MARCO: variants seen among roughly 807,000 people sequenced by gnomAD.
MARCO encodes the protein macrophage receptor with collagenous structure, also known as macrophage receptor MARCO.
Under a neutral mutation model 70.0 loss-of-function variants are expected in MARCO, and 72 were observed. The ratio of observed to expected loss-of-function variants is 1.03; its 90% CI spans 0.85 to 1.25. The LOEUF is 1.25. MARCO is among the 50% of genes most tolerant of loss of function. MARCO has a pLI of 0.00. For missense variants in MARCO, 696 were observed against 659.3 expected (o/e 1.06, Z -0.61); for synonymous variants, 273 against 243.1 (o/e 1.12, Z -1.14).
chr2:118,986,155 TGA>T (rs1680478834), intron 12 of MARCO, among the ~76,000 whole-genome samples: 1 of 152,196 alleles, frequency 6.6e-6, no homozygotes, highest in Non-Finnish European at 1.5e-5. Context: ...TCTAAGTTTC[TGA>T]GAGAGCTTTG....
chr2:118,964,059 A>G (rs943581069), intron 1 of MARCO, among the ~76,000 whole-genome samples: 3 of 152,176 alleles, frequency 2.0e-5, no homozygotes, highest in African/African-American at 7.2e-5. Flanking sequence ...ATACATATGG[A>G]ACTTATCGCA....
chr2:118,950,120 A>C (rs1679691445), intron 1 of MARCO, among the ~76,000 whole-genome samples: 2 of 152,294 alleles, frequency 1.3e-5, no homozygotes, highest in South Asian at 4.2e-4. Flanking sequence ...TATATTTGAC[A>C]GTGCTTCGTA....
chr2:118,948,540 G>A (rs1679648008), intron 1 of MARCO, among the ~76,000 whole-genome samples: 1 of 152,180 alleles, frequency 6.6e-6, no homozygotes, highest in Non-Finnish European at 1.5e-5. Flanking sequence ...CAAAGCAAGA[G>A]GCTTGAAGAA....
Position 118,994,398 on chromosome 2 carries a change from A to G in MARCO, c.1441A>G (p.Ile481Val). 6.2e-7 allele frequency: 1 copy of G among 1,614,162 alleles called. No individual in the cohort carries two copies. The highest frequency in any genetic ancestry group is 8.5e-7 in the Non-Finnish European group (1 of 1,180,042). The change falls in exon 17 of 17, where the codon ATC becomes GTC. Residue 481 changes from isoleucine to valine, a missense_variant. Physicochemically the swap from Ile to Val is conservative, Grantham distance 29. This residue lies in a region of MARCO where 58 missense variants were observed against 62.1 expected (regional missense o/e 0.93). Transcript: ENST00000327097. The part of the protein sequence containing the change: ...LYKVGAGTGQ[I>V]WLDNVQCRGT... ...TTCTCTCTATCAAGGCACTGGGCAG[A>G]TCTGGCTGGATAATGTTCAGTGTCG...
At chr2:118,984,326 CA>C (rs1680446834) in intron 12 of MARCO, among the ~76,000 whole-genome samples, 1 of 152,180 alleles carries the variant, frequency 6.6e-6, no homozygotes, top group African/African-American at 2.4e-5. Context: ...CCCATTTTAG[CA>C]AAAGACTTTT....
intron 1 of MARCO, among the ~76,000 whole-genome samples, chr2:118,961,418 T>C (rs1679944187): frequency 6.6e-6 from 1 of 152,202 alleles, no homozygotes; most frequent in Admixed American, 6.5e-5. Context: ...TTCTGACTGA[T>C]GTGAGATGGT....
rs765014059 is a variant in MARCO at position 118,993,166 on chromosome 2, G to A, written c.1295G>A (p.Arg432Gln). ...GTCAGGATTGTCGGCAGTAGTAACC[G>A]AGGCCGGGCTGAAGTTTACTACAGT... ...VSVRIVGSSNRGRAEVYYSGT... is the reference protein window; with the variant it reads ...VSVRIVGSSNQGRAEVYYSGT... The change falls in exon 16 of 17, where the codon CGA becomes CAA. Residue 432 changes from arginine (R) to glutamine (Q), a missense_variant. Transcript: ENST00000327097. 18 of 1,614,104 alleles carry A rather than the reference G, an allele frequency of 1.1e-5. No homozygotes were observed. In the East Asian group the frequency reaches 1.6e-4, roughly 14 times the overall value.
chr2:118,969,990 C>G, intron 2 of MARCO, 124 bp from the exon 3 acceptor site: 1 of 825,550 alleles, frequency 1.2e-6, no homozygotes. Context: ...TAGGTCCTGA[C>G]AGCACATGGA....
intron 1 of MARCO, among the ~76,000 whole-genome samples, chr2:118,949,106 C>A (rs188778351): frequency 6.6e-6 from 1 of 152,104 alleles, no homozygotes; most frequent in Non-Finnish European, 1.5e-5. Flanking sequence ...GGATGGCCCT[C>A]GCAGGCTGAT....
At chr2:118,970,823 G>A (rs1282559635) in intron 3 of MARCO, among the ~76,000 whole-genome samples, 1 of 152,214 alleles carries the variant, frequency 6.6e-6, no homozygotes. Context: ...CCCAAAATGG[G>A]AAGAGCCTCG....
chr2:118,991,836 C>A lies in MARCO; in HGVS notation c.1168C>A (p.Pro390Thr), dbSNP rs1437494560. Residue 390 changes from proline to threonine, a missense_variant, in exon 14 of 17, where the codon CCT (proline) becomes ACT (threonine). Physicochemically the swap from Pro to Thr is conservative, Grantham distance 38 (BLOSUM62 -1). Coordinates refer to ENST00000327097, the MANE Select transcript of MARCO (RefSeq NM_006770.4). Reference sequence around the variant, plus strand: ...AGGGCTGGCAGGTCCCAAGGGAGCCCCTGGACAAGCTGGCCAGAAGGGAGA... The same window carrying A: ...AGGGCTGGCAGGTCCCAAGGGAGCCACTGGACAAGCTGGCCAGAAGGGAGA... ...SPGLAGPKGAPGQAGQKGDQG... is the reference protein window; with the variant it reads ...SPGLAGPKGATGQAGQKGDQG... 2 of 1,600,980 alleles carry A rather than the reference C, an allele frequency of 1.2e-6. No homozygotes were observed. The highest frequency in any genetic ancestry group is 1.3e-5 in the African/African-American group (1 of 74,758).
At chr2:118,968,545 A>G (rs957186412) in intron 1 of MARCO, among the ~76,000 whole-genome samples, 3 of 152,212 alleles carry the variant, frequency 2.0e-5, no homozygotes, top group Non-Finnish European at 2.9e-5. Context: ...CCAGAGTGCT[A>G]ATAGAGATTA....
At chr2:118,992,365 G>T in intron 14 of MARCO, 67 bp from the exon 15 acceptor site, 1 of 1,358,642 alleles carries the variant, frequency 7.4e-7, no homozygotes, top group Non-Finnish European at 1.1e-6. Flanking sequence ...CCCCACTCAT[G>T]CAAATGCAGG....
chr2:118,948,917 G>A (rs1402527537), intron 1 of MARCO, among the ~76,000 whole-genome samples: 1 of 152,164 alleles, frequency 6.6e-6, no homozygotes, highest in African/African-American at 2.4e-5. Flanking sequence ...TCCAGTAATG[G>A]TCCTCCATAA....
intron 1 of MARCO, among the ~76,000 whole-genome samples, chr2:118,962,323 C>T (rs1461259998): frequency 6.6e-6 from 1 of 152,102 alleles, no homozygotes; most frequent in African/African-American, 2.4e-5. Flanking sequence ...TGGTCATTTT[C>T]ATGATGTTGA....
At chr2:118,971,643 T>A in intron 4 of MARCO, 109 bp downstream of exon 4, 3 of 1,036,260 alleles carry the variant, frequency 2.9e-6, no homozygotes, top group Non-Finnish European at 4.4e-6. Context: ...TAGCTTACCT[T>A]CCCCTGTCTC....
Position 118,977,811 on chromosome 2 carries a change from A to G in MARCO, c.659-17A>G. ...AAGGATAGTGGGAGCCCATCTCACCAGCCATTCTCTTTGCAGGCACCCCAG... is the reference window on the plus strand; with the variant it reads ...AAGGATAGTGGGAGCCCATCTCACCGGCCATTCTCTTTGCAGGCACCCCAG... On this transcript the variant is annotated splice_polypyrimidine_tract_variant and intron_variant, in intron 7 of 16. Transcript: ENST00000327097. 1 of 1,595,138 alleles carries G rather than the reference A, an allele frequency of 6.3e-7. No individual in the cohort carries two copies.
chr2:118,978,788 A>G (rs1286346120), intron 8 of MARCO, among the ~76,000 whole-genome samples: 3 of 152,260 alleles, frequency 2.0e-5, no homozygotes, highest in African/African-American at 7.2e-5. Context: ...CATGATAGGC[A>G]TTAAATACAT....
intron 15 of MARCO, 94 bp from the exon 16 acceptor site, chr2:118,993,030 A>T: frequency 8.9e-7 from 1 of 1,123,052 alleles, no homozygotes; most frequent in Non-Finnish European, 1.3e-6. Flanking sequence ...CTTTTCCTTA[A>T]CTGTAGAACT....
Sources: gnomAD v4.1 joint callset for allele counts (sites outside exome capture counted in the v4.1 genomes callset) on GRCh38, gnomAD v4.1.1 for gene constraint, gnomAD v4.1.1 regional missense constraint, MANE v1.5 for transcripts, NCBI Gene and HGNC (gene_info 2026-07-23, HGNC 2026-07-21) for gene names.